The following SUFU variants were observed in gnomAD, a reference collection of about 807,000 sequenced individuals.
SUFU encodes the protein suppressor of fused homolog.
In SUFU, 7 loss-of-function variants were observed where a neutral mutation model predicts 58.9. The ratio of observed to expected loss-of-function variants is 0.12; its 90% CI spans 0.07 to 0.22. The LOEUF is 0.22. Among genes scored for constraint, SUFU ranks in the 10% least tolerant of loss-of-function variants. The pLI is 1.00. For missense variants in SUFU, 451 were observed against 641.3 expected (o/e 0.70, Z 3.20); for synonymous variants, 232 against 254.8 (o/e 0.91, Z 0.85).
At position 102,601,913 on chromosome 10, in the gene SUFU, T is replaced by G. The variant is rs534489276; in HGVS notation, c.1022+2369T>G. 2.6e-5 allele frequency among the ~76,000 whole-genome samples: 4 copies of G among 152,312 alleles called. No homozygotes were observed. In the South Asian group the frequency reaches 8.3e-4, roughly 32 times the overall value. On this transcript the variant is annotated intron_variant, in intron 8 of 11. Transcript: ENST00000369902. ...CTGATTTCCCCTTAGTCAGGACTTC[T>G]GGGCCAGGGAGCTCTTATGCATGGG...
chr10:102,553,262 A>G (rs1325785746), intron 3 of SUFU, among the ~76,000 whole-genome samples: 1 of 152,218 alleles, frequency 6.6e-6, no homozygotes, highest in African/African-American at 2.4e-5. Context: ...AGAAAAGTAA[A>G]TGGTAACTGA....
intron 8 of SUFU, among the ~76,000 whole-genome samples, chr10:102,613,644 C>T (rs2063649426): frequency 6.6e-6 from 1 of 152,230 alleles, no homozygotes; most frequent in African/African-American, 2.4e-5. Context: ...AGCTTCTCAC[C>T]CAGTTTTTGA....
intron 2 of SUFU, among the ~76,000 whole-genome samples, chr10:102,524,638 A>T (rs1331668129): frequency 5.3e-5 from 8 of 152,046 alleles, no homozygotes; most frequent in African/African-American, 1.7e-4. Context: ...TCTTTAAAAC[A>T]CTTATCACTT....
At position 102,619,429 on chromosome 10, in the gene SUFU, G is replaced by A. The variant is rs891867308; in HGVS notation, c.1296+2001G>A. The A allele has an allele frequency of 4.5e-6, 6 of 1,332,484 alleles. No individual in the cohort carries two copies. In the African/African-American group the frequency reaches 8.8e-5, roughly 20 times the overall value. The allele number at this position is 1,332,484 out of a possible 1,614,324, so 82.5% of individuals were successfully genotyped here. A position where few individuals can be genotyped will look rare whatever the true frequency, so the allele number is the denominator to read the frequency against. ...GGGAACGAGCTGCTGGCCTCGGCAT[G>A]TTTCAATAAAGTTGCTGTGCTGGGA... is the stretch of plus-strand genomic sequence containing the variant. On this transcript the variant is annotated intron_variant, in intron 10 of 11. Transcript: ENST00000369902. The surrounding 1 kb of genome is among the most constrained non-coding windows in gnomAD (Gnocchi z 4.2).
At chr10:102,552,917 G>C (rs1434339753) in intron 3 of SUFU, among the ~76,000 whole-genome samples, 1 of 152,198 alleles carries the variant, frequency 6.6e-6, no homozygotes, top group Non-Finnish European at 1.5e-5. Context: ...TTTTCTGTAG[G>C]ATTGGAAATT....
chr10:102,569,598 T>C (rs1056512458), intron 3 of SUFU, among the ~76,000 whole-genome samples: 1 of 152,242 alleles, frequency 6.6e-6, no homozygotes, highest in African/African-American at 2.4e-5. Flanking sequence ...TATCTCTTCC[T>C]ATAATCAAAT....
At chr10:102,512,027 T>G (rs559952344) in intron 2 of SUFU, among the ~76,000 whole-genome samples, 2 of 152,280 alleles carry the variant, frequency 1.3e-5, no homozygotes, top group South Asian at 2.1e-4. Context: ...GTTTGAGCTT[T>G]TAACCACTGG....
chr10:102,517,282 T>G (rs2062483005), intron 2 of SUFU, among the ~76,000 whole-genome samples: 1 of 152,080 alleles, frequency 6.6e-6, no homozygotes, highest in Non-Finnish European at 1.5e-5. Flanking sequence ...AGTGAGACTC[T>G]GTCCAAAAAA....
At chr10:102,589,687 C>T (rs1332881789) in intron 3 of SUFU, among the ~76,000 whole-genome samples, 1 of 152,040 alleles carries the variant, frequency 6.6e-6, no homozygotes. Context: ...CTCAGGTGGT[C>T]CACCTGCCTC....
At chr10:102,621,000 C>A (rs1336020172) in intron 10 of SUFU, among the ~76,000 whole-genome samples, 1 of 152,236 alleles carries the variant, frequency 6.6e-6, no homozygotes, top group East Asian at 1.9e-4. Flanking sequence ...CCATTCTCTG[C>A]CAGTCCTGAT....
intron 10 of SUFU, among the ~76,000 whole-genome samples, chr10:102,621,696 C>T (rs990539431): frequency 6.6e-6 from 1 of 152,208 alleles, no homozygotes; most frequent in African/African-American, 2.4e-5. Context: ...CTGTAAACAA[C>T]ACATTTCCTT....
chr10:102,508,318 C>G (rs573846604), intron 1 of SUFU, among the ~76,000 whole-genome samples: 3 of 152,090 alleles, frequency 2.0e-5, no homozygotes, highest in Non-Finnish European at 2.9e-5. Context: ...AAAGGGAACT[C>G]TTATTGTATT....
At chr10:102,539,638 T>A (rs1407678789) in intron 2 of SUFU, among the ~76,000 whole-genome samples, 1 of 152,206 alleles carries the variant, frequency 6.6e-6, no homozygotes, top group Non-Finnish European at 1.5e-5. Context: ...AATGGTGACT[T>A]CTCATTTGAT....
At chr10:102,579,485 T>C (rs918457940) in intron 3 of SUFU, among the ~76,000 whole-genome samples, 3 of 152,238 alleles carry the variant, frequency 2.0e-5, no homozygotes, top group African/African-American at 7.2e-5. Context: ...GGATTTTCCT[T>C]ACACTTCACT....
At chr10:102,578,878 GA>G (rs80146358) in intron 3 of SUFU, among the ~76,000 whole-genome samples, 66,865 of 145,482 alleles carry the variant, frequency 0.46, 15,392 homozygotes, top group East Asian at 0.68. Flanking sequence ...CTCAAAGGGA[GA>G]AAAAAAAAAA....
At chr10:102,529,943 CAA>C (rs55915114) in intron 2 of SUFU, among the ~76,000 whole-genome samples, 3 of 134,400 alleles carry the variant, frequency 2.2e-5, no homozygotes, top group Non-Finnish European at 1.6e-5. Flanking sequence ...GACTCCGTCT[CAA>C]AAAAAAAAAA....
At chr10:102,519,474 C>T (rs1002461103) in intron 2 of SUFU, among the ~76,000 whole-genome samples, 4 of 145,682 alleles carry the variant, frequency 2.7e-5, no homozygotes, top group Non-Finnish European at 6.0e-5. Flanking sequence ...TTGCAGTGAG[C>T]TGAGATCATG....
In SUFU at chr10:102,633,423, G is replaced by C. The variant is rs150653416; in HGVS notation, c.*3268G>C. On this transcript the variant is annotated 3_prime_UTR_variant, in exon 12 of 12. Coordinates refer to ENST00000369902, the MANE Select transcript of SUFU (RefSeq NM_016169.4). ...TCCTTCTTGCCCCCTCTTCCTCTCT[G>C]TAATCTAAGTGCATTAAACATCTTT... 544 of 232,556 alleles carry C rather than the reference G, an allele frequency of 2.3e-3. 9 individuals carry two copies. In the Admixed American group the frequency reaches 0.026, roughly 11 times the overall value. 14.4% of individuals were successfully genotyped at this position (232,556 alleles called of 1,614,324 possible).
chr10:102,598,587 G>A (rs1228213601), intron 7 of SUFU, among the ~76,000 whole-genome samples: 1 of 152,210 alleles, frequency 6.6e-6, no homozygotes, highest in Non-Finnish European at 1.5e-5. Context: ...GGGAGTCATA[G>A]TCTTGTCTAA....
Sources: gnomAD v4.1 joint callset for allele counts (sites outside exome capture counted in the v4.1 genomes callset) on GRCh38, gnomAD v4.1.1 for gene constraint, Gnocchi (gnomAD v3.1) non-coding constraint, MANE v1.5 for transcripts, NCBI Gene and HGNC (gene_info 2026-07-23, HGNC 2026-07-21) for gene names.